Variants in NF2 observed in about 807,000 individuals in gnomAD.
NF2 encodes merlin.
In NF2, 8 loss-of-function variants were observed where a neutral mutation model predicts 83.7. That is an observed-to-expected ratio of 0.10 (90% CI 0.06 to 0.17). The LOEUF is 0.17. NF2 is among the 10% of genes least tolerant of loss of function. The pLI, the probability that NF2 is intolerant of heterozygous loss-of-function variation, is 1.00. For missense variants in NF2, 533 were observed against 744.4 expected, an observed-to-expected ratio of 0.72 and a Z score of 3.31; for synonymous variants, 266 against 269.6, an observed-to-expected ratio of 0.99 and a Z score of 0.13.
At chr22:29,653,944 A>G (rs2066226491) in intron 4 of NF2, among the ~76,000 whole-genome samples, 1 of 151,744 alleles carries the variant, frequency 6.6e-6, no homozygotes, top group Non-Finnish European at 1.5e-5. Context: ...ACATTCTTTA[A>G]CTTTTGATTA....
In NF2 at chr22:29,636,883, C is replaced by T. The variant is rs763999804; in HGVS notation, c.240+7C>T. On this transcript the variant is annotated splice_region_variant and intron_variant, in intron 2 of 15. Transcript: ENST00000338641. The surrounding 1 kb of genome is among the most constrained non-coding windows in gnomAD (Gnocchi z 4.4). ...GCTCAAAATGGACAAGAAGGTTGGG[C>T]TAGAACTCGATGAAACTGGTGGGGC... The T allele has an allele frequency of 6.2e-7, 1 of 1,614,000 alleles. No homozygotes were observed. Among genetic ancestry groups the T allele is most frequent in the Non-Finnish European group, 8.5e-7 (1 of 1,180,034 alleles).
chr22:29,643,128 G>A (rs2065859331), intron 4 of NF2, among the ~76,000 whole-genome samples: 1 of 151,874 alleles, frequency 6.6e-6, no homozygotes, highest in South Asian at 2.1e-4. Context: ...TTACTTGTGT[G>A]ATTTTATTTT....
At chr22:29,677,834 C>T (rs1260519118) in intron 13 of NF2, among the ~76,000 whole-genome samples, 1 of 152,254 alleles carries the variant, frequency 6.6e-6, no homozygotes, top group Non-Finnish European at 1.5e-5. Context: ...ACAAGACTTT[C>T]AGCTGCTCAA....
intron 13 of NF2, among the ~76,000 whole-genome samples, chr22:29,677,695 G>A (rs191805206): frequency 2.6e-5 from 4 of 152,240 alleles, no homozygotes; most frequent in Non-Finnish European, 2.9e-5. Flanking sequence ...CTTCCCGTCC[G>A]GCAGACCTTC....
In NF2 at chr22:29,697,068, C is replaced by T. The variant is rs563567208; in HGVS notation, c.*2266C>T. The T allele has an allele frequency of 7.0e-4, 135 of 192,666 alleles. No homozygotes were observed. Among genetic ancestry groups the T allele is most frequent in the Non-Finnish European group, 1.3e-3 (116 of 92,082 alleles). The allele number at this position is 192,666 out of a possible 1,614,324, so 11.9% of individuals were successfully genotyped here. On this transcript the variant is annotated 3_prime_UTR_variant, in exon 16 of 16. Coordinates refer to ENST00000338641, the MANE Select transcript of NF2 (RefSeq NM_000268.4). ...CTGACCTCAGGTGATCCTCCCACCC[C>T]GGCTTCCCAAAGTTCTGGGATTATA...
intron 9 of NF2, among the ~76,000 whole-genome samples, chr22:29,667,577 G>A: frequency 6.6e-6 from 1 of 151,890 alleles, no homozygotes; most frequent in Admixed American, 6.6e-5. Context: ...TGTGGAGATG[G>A]CGTCTCACTA....
intron 1 of NF2, among the ~76,000 whole-genome samples, chr22:29,619,775 A>AGTGC (rs570718199): frequency 3.1e-3 from 471 of 152,180 alleles, no homozygotes; most frequent in South Asian, 5.0e-3. Context: ...GTGAGTGATG[A>AGTGC]GTGCGTGCGT....
intron 1 of NF2, among the ~76,000 whole-genome samples, chr22:29,614,929 A>G (rs529246446): frequency 5.4e-4 from 82 of 152,044 alleles, no homozygotes; most frequent in African/African-American, 1.9e-3. Flanking sequence ...CATGCCTGTA[A>G]TCCTAGCACT....
intron 15 of NF2, among the ~76,000 whole-genome samples, chr22:29,689,617 C>G (rs1052341790): frequency 1.3e-5 from 2 of 152,126 alleles, no homozygotes; most frequent in African/African-American, 4.8e-5. Flanking sequence ...ATGGTCCCCT[C>G]CTACCTTCTT....
chr22:29,695,217 G>T lies in NF2; in HGVS notation c.*415G>T, dbSNP rs2067515971. 2.6e-6 allele frequency: 1 copy of T among 379,242 alleles called. No homozygotes were observed. The highest frequency in any genetic ancestry group is 3.4e-5 in the South Asian group (1 of 29,548). 23.5% of individuals were successfully genotyped at this position (379,242 alleles called of 1,614,324 possible). A position where few individuals can be genotyped will look rare whatever the true frequency, so the allele number is the denominator to read the frequency against. ...GTGCCATCATCCCCACCCCGCCCAG[G>T]GTTCCGGAACATTCATTCCCCCACC... On this transcript the variant is annotated 3_prime_UTR_variant, in exon 16 of 16. Coordinates refer to ENST00000338641, the MANE Select transcript of NF2 (RefSeq NM_000268.4). The surrounding 1 kb of genome is among the most constrained non-coding windows in gnomAD (Gnocchi z 5.4).
intron 15 of NF2, among the ~76,000 whole-genome samples, chr22:29,692,097 A>AG (rs1463154561): frequency 1.3e-5 from 2 of 152,178 alleles, no homozygotes; most frequent in Non-Finnish European, 2.9e-5. Context: ...CTAAGGGGCG[A>AG]GCAGCAGTGG....
intron 1 of NF2, among the ~76,000 whole-genome samples, chr22:29,616,748 A>G (rs2065091129): frequency 6.6e-6 from 1 of 151,420 alleles, no homozygotes; most frequent in East Asian, 1.9e-4. Flanking sequence ...GTCTCAAGAA[A>G]AAAAAAAAAA....
intron 1 of NF2, among the ~76,000 whole-genome samples, chr22:29,623,498 G>A (rs2065268884): frequency 6.6e-6 from 1 of 152,164 alleles, no homozygotes; most frequent in Non-Finnish European, 1.5e-5. Context: ...AACAGCAGTG[G>A]GACTTGCTGG....
At position 29,636,620 on chromosome 22, in the gene NF2, G is replaced by C; in HGVS notation, c.115-131G>C. On this transcript the variant is annotated intron_variant, in intron 1 of 15. Transcript: ENST00000338641. The surrounding 1 kb of genome is among the most constrained non-coding windows in gnomAD (Gnocchi z 4.4). The stretch of plus-strand genomic sequence containing the variant: ...GTAAAGGAAGCTTTAAAATTATTTA[G>C]GAATTCAGTCCTCATCAGCTGTCTT... 1.7e-6 allele frequency: 2 copies of C among 1,167,990 alleles called. No homozygotes were observed. The highest frequency in any genetic ancestry group is 2.5e-5 in the South Asian group (2 of 79,022). 72.4% of individuals were successfully genotyped at this position (1,167,990 alleles called of 1,614,324 possible). A position where few individuals can be genotyped will look rare whatever the true frequency, so the allele number is the denominator to read the frequency against.
chr22:29,628,627 C>CTTTTTTTTTTTTTTTTTTTTTTTT (rs5844863), intron 1 of NF2, among the ~76,000 whole-genome samples: 1 of 69,216 alleles, frequency 1.4e-5, no homozygotes, highest in Non-Finnish European at 2.9e-5. Flanking sequence ...TTTGTGACAT[C>CTTTTTTTTTTTTTTTTTTTTTTTT]TTTTTTTTTT....
At chr22:29,643,754 A>G (rs1047189682) in intron 4 of NF2, among the ~76,000 whole-genome samples, 1 of 152,064 alleles carries the variant, frequency 6.6e-6, no homozygotes, top group Non-Finnish European at 1.5e-5. Context: ...CCCCCTTTCT[A>G]TTCCACAAAG....
At chr22:29,607,705 A>G (rs2064835203) in intron 1 of NF2, among the ~76,000 whole-genome samples, 1 of 152,172 alleles carries the variant, frequency 6.6e-6, no homozygotes, top group South Asian at 2.1e-4. Context: ...TTAATGAAAA[A>G]GGCTTCAAAC....
intron 1 of NF2, among the ~76,000 whole-genome samples, chr22:29,619,981 T>C (rs1445399721): frequency 6.6e-6 from 1 of 152,112 alleles, no homozygotes; most frequent in East Asian, 1.9e-4. Context: ...TATTATAAAA[T>C]AGGCTAGGCA....
At chr22:29,671,650 C>T (rs2066791003) in intron 10 of NF2, among the ~76,000 whole-genome samples, 176 bp from the exon 11 acceptor site, 1 of 152,008 alleles carries the variant, frequency 6.6e-6, no homozygotes, top group South Asian at 2.1e-4. Context: ...TTCAACTCTG[C>T]AACTGGTTTA....
Sources: gnomAD v4.1 joint callset for allele counts (sites outside exome capture counted in the v4.1 genomes callset) on GRCh38, gnomAD v4.1.1 for gene constraint, Gnocchi (gnomAD v3.1) non-coding constraint, MANE v1.5 for transcripts, NCBI Gene and HGNC (gene_info 2026-07-23, HGNC 2026-07-21) for gene names.